PALLD: variants seen among roughly 807,000 people sequenced by gnomAD.
The protein encoded by PALLD is palladin.
A neutral mutation model predicts 123.5 loss-of-function variants in PALLD; 61 were observed. The ratio of observed to expected loss-of-function variants is 0.49; its 90% CI spans 0.40 to 0.61. The LOEUF is 0.61. PALLD is among the 20% of genes least tolerant of loss of function. PALLD has a pLI of 0.00. For synonymous variants in PALLD, 465 were observed against 496.4 expected (o/e 0.94, Z 0.84); for missense variants, 1,273 against 1,377.0 (o/e 0.92, Z 1.20).
At chr4:168,507,120 T>C (rs771639849) in intron 1 of PALLD, among the ~76,000 whole-genome samples, 1 of 151,868 alleles carries the variant, frequency 6.6e-6, no homozygotes, top group Non-Finnish European at 1.5e-5. Context: ...TTACCAAAGG[T>C]CCCTCAACTG....
At chr4:168,810,111 G>A (rs539351104) in intron 10 of PALLD, among the ~76,000 whole-genome samples, 3 of 151,876 alleles carry the variant, frequency 2.0e-5, no homozygotes, top group African/African-American at 7.2e-5. Context: ...ACTTTCTCAG[G>A]CATTTTGGTA....
intron 10 of PALLD, among the ~76,000 whole-genome samples, chr4:168,850,523 C>CT (rs767777801): frequency 0.046 from 1,590 of 34,714 alleles, 488 homozygotes; most frequent in African/African-American, 0.17. Flanking sequence ...TCTGTCATTT[C>CT]TTTTTTTTTT....
At chr4:168,748,072 A>T (rs1170325291) in intron 10 of PALLD, among the ~76,000 whole-genome samples, 1 of 152,238 alleles carries the variant, frequency 6.6e-6, no homozygotes, top group African/African-American at 2.4e-5. Context: ...AGAAAATGTT[A>T]GCATATTGAC....
At position 168,681,353 on chromosome 4, in the gene PALLD, A is replaced by G; in HGVS notation, c.1109A>G (p.Asp370Gly). 6.2e-7 allele frequency: 1 copy of G among 1,607,918 alleles called. No individual in the cohort carries two copies. Among genetic ancestry groups the G allele is most frequent in the Non-Finnish European group, 8.5e-7 (1 of 1,174,536 alleles). ...FIEGASSTDS[D>G]SESLAFKSRA... The stretch of plus-strand genomic sequence containing the variant: ...CCAGGTGCCAGTTCAACAGATTCTG[A>G]CAGTGAAAGTTTAGCTTTCAAATCA... The change falls in exon 4 of 22, where the codon GAC (aspartate) becomes GGC (glycine). Residue 370 changes from aspartate to glycine, a missense_variant. By Grantham distance (94) the Asp-to-Gly change is moderately conservative. Coordinates refer to ENST00000505667, the MANE Select transcript of PALLD (RefSeq NM_001166108.2).
chr4:168,734,489 G>T (rs1297837711), intron 10 of PALLD, among the ~76,000 whole-genome samples: 2 of 152,068 alleles, frequency 1.3e-5, no homozygotes, highest in Admixed American at 6.5e-5. Flanking sequence ...GCTCGAAATT[G>T]CACGTAGTTG....
At chr4:168,902,245 A>T (rs1435726424) in intron 14 of PALLD, among the ~76,000 whole-genome samples, 2 of 152,194 alleles carry the variant, frequency 1.3e-5, no homozygotes, top group Non-Finnish European at 2.9e-5. Context: ...AAAGGGTCTA[A>T]AGTATATTTG....
At chr4:168,570,550 G>C (rs1293968464) in intron 2 of PALLD, among the ~76,000 whole-genome samples, 1 of 152,088 alleles carries the variant, frequency 6.6e-6, no homozygotes, top group South Asian at 2.1e-4. Flanking sequence ...CTAAATATTA[G>C]ATTAAATTGC....
chr4:168,593,779 C>T (rs1012740621), intron 2 of PALLD, among the ~76,000 whole-genome samples: 1 of 152,164 alleles, frequency 6.6e-6, no homozygotes, highest in Non-Finnish European at 1.5e-5. Context: ...CACCAAAAAT[C>T]CCATGTAAGT....
chr4:168,856,245 T>C (rs974382927), intron 10 of PALLD, among the ~76,000 whole-genome samples: 4 of 152,240 alleles, frequency 2.6e-5, no homozygotes, highest in East Asian at 1.9e-4. Context: ...CAATCCACCA[T>C]TGATGGCATC....
intron 15 of PALLD, 99 bp downstream of exon 15, chr4:168,904,005 CTTTG>C: frequency 8.3e-7 from 1 of 1,204,876 alleles, no homozygotes; most frequent in Non-Finnish European, 1.2e-6. Flanking sequence ...TAAGAAGTTT[CTTTG>C]ATTTATGAAA....
intron 10 of PALLD, among the ~76,000 whole-genome samples, 169 bp from the exon 11 acceptor site, chr4:168,890,753 C>A (rs749675808): frequency 2.6e-5 from 4 of 152,166 alleles, no homozygotes; most frequent in Non-Finnish European, 4.4e-5. Flanking sequence ...ATTAGTGTTA[C>A]CTGAACCAGC....
At chr4:168,827,914 G>A (rs551120068) in intron 10 of PALLD, among the ~76,000 whole-genome samples, 5 of 152,126 alleles carry the variant, frequency 3.3e-5, no homozygotes, top group African/African-American at 4.8e-5. Context: ...GATGGTGCAC[G>A]CCTGTAATCC....
At chr4:168,567,870 A>G (rs2149597580) in intron 2 of PALLD, among the ~76,000 whole-genome samples, 1 of 152,062 alleles carries the variant, frequency 6.6e-6, no homozygotes, top group South Asian at 2.1e-4. Flanking sequence ...TGATGGGTAT[A>G]CTAAAAGCCA....
chr4:168,763,132 T>G (rs938484182), intron 10 of PALLD, among the ~76,000 whole-genome samples: 1 of 152,176 alleles, frequency 6.6e-6, no homozygotes, highest in Admixed American at 6.5e-5. Context: ...GTAACAAACG[T>G]GGACATTCTG....
chr4:168,545,400 G>A (rs1266848001), intron 2 of PALLD, among the ~76,000 whole-genome samples: 3 of 151,898 alleles, frequency 2.0e-5, no homozygotes, highest in East Asian at 1.9e-4. Flanking sequence ...GAGGTGGCAG[G>A]TGCCTGTAAT....
At chr4:168,846,469 G>C (rs1211740858) in intron 10 of PALLD, among the ~76,000 whole-genome samples, 1 of 152,148 alleles carries the variant, frequency 6.6e-6, no homozygotes, top group Non-Finnish European at 1.5e-5. Flanking sequence ...ATTATTTCTA[G>C]TTGCCTTAAA....
chr4:168,832,130 C>T (rs1744319019), intron 10 of PALLD: 1 of 982,904 alleles, frequency 1.0e-6, no homozygotes, highest in Admixed American at 6.2e-5. Flanking sequence ...TCGCTCCGGA[C>T]GCGGAATCGG....
At chr4:168,617,614 C>T (rs1295173654) in intron 2 of PALLD, among the ~76,000 whole-genome samples, 3 of 152,116 alleles carry the variant, frequency 2.0e-5, no homozygotes, top group Non-Finnish European at 2.9e-5. Context: ...GAGTCAGACT[C>T]CCTGGGTCTG....
intron 10 of PALLD, among the ~76,000 whole-genome samples, chr4:168,748,584 G>A (rs987880339): frequency 2.0e-5 from 3 of 152,198 alleles, no homozygotes; most frequent in Non-Finnish European, 4.4e-5. Flanking sequence ...AGGAATCCAA[G>A]CATAGGTTAG....
Sources: gnomAD v4.1 joint callset for allele counts (sites outside exome capture counted in the v4.1 genomes callset) on GRCh38, gnomAD v4.1.1 for gene constraint, MANE v1.5 for transcripts, NCBI Gene and HGNC (gene_info 2026-07-23, HGNC 2026-07-21) for gene names.